Variants in KIF16B observed in about 807,000 individuals in gnomAD.
The protein encoded by KIF16B is kinesin-like protein KIF16B.
KIF16B carries 98 observed loss-of-function variants against 156.3 expected under a neutral mutation model. The ratio of observed to expected loss-of-function variants is 0.63; its 90% CI spans 0.53 to 0.74. KIF16B has a LOEUF of 0.74. KIF16B is among the 30% of genes least tolerant of loss of function. KIF16B has a pLI of 0.00. For synonymous variants in KIF16B, 564 were observed against 583.7 expected (o/e 0.97, Z 0.49); for missense variants, 1,421 against 1,606.5 (o/e 0.88, Z 1.97).
chr20:16,486,699 C>T (rs1261523861), intron 12 of KIF16B, among the ~76,000 whole-genome samples: 2 of 152,084 alleles, frequency 1.3e-5, no homozygotes, highest in Non-Finnish European at 2.9e-5. Context: ...AATATATTAT[C>T]GTCACATAGC....
rs2064422495 is a variant in KIF16B at position 16,355,567 on chromosome 20, A to G, written c.3621+763T>C. On this transcript the variant is annotated intron_variant, in intron 23 of 25. Transcript: ENST00000354981. ...TGGTGATCCTAGTGGACTTCATTAC[A>G]TCAATACCCTTGCTGATCCTTGAAG... 3.3e-5 allele frequency among the ~76,000 whole-genome samples: 5 copies of G among 152,200 alleles called. No individual in the cohort carries two copies. In the South Asian group the frequency reaches 8.3e-4, roughly 25 times the overall value.
At chr20:16,528,260 G>A in intron 2 of KIF16B, 111 bp downstream of exon 2, 9 of 806,904 alleles carry the variant, frequency 1.1e-5, no homozygotes, top group Non-Finnish European at 1.9e-5. Context: ...TAACTGCACT[G>A]GAAAGGAGGG....
In KIF16B at chr20:16,514,582, GAA is replaced by G. The variant is rs540602451; in HGVS notation, c.348+964_348+965del. 9.5e-4 allele frequency among the ~76,000 whole-genome samples: 73 copies of G among 76,902 alleles called. 2 individuals are homozygous for G. The highest frequency in any genetic ancestry group is 6.8e-3 in the Middle Eastern group (1 of 148). The allele number at this position is 76,902 out of a possible 152,430, so 50.5% of individuals were successfully genotyped here. ...GAACAGAGCTCTCACTAAGAAATAA[GAA>G]AAAAAAAAAAAAAAAAAAAAAACAG... is the stretch of plus-strand genomic sequence containing the variant. On this transcript the variant is annotated intron_variant, in intron 4 of 25. Transcript: ENST00000354981.
intron 12 of KIF16B, among the ~76,000 whole-genome samples, chr20:16,453,851 T>C (rs912187915): frequency 6.6e-6 from 1 of 152,240 alleles, no homozygotes; most frequent in Non-Finnish European, 1.5e-5. Flanking sequence ...ACAACTCTTA[T>C]GAAATGGAAT....
At chr20:16,441,220 C>T (rs1350950725) in intron 12 of KIF16B, among the ~76,000 whole-genome samples, 1 of 152,156 alleles carries the variant, frequency 6.6e-6, no homozygotes, top group Non-Finnish European at 1.5e-5. Flanking sequence ...AAGCATCAGT[C>T]TGACATTGGC....
Position 16,556,790 on chromosome 20 carries a change from C to T in KIF16B, c.47+16439G>A, listed in dbSNP as rs73244242. ...TCCCAGATATTCCCACGGTTCATTA[C>T]CTTACTTCCTTCACCAATCACCTAC... On this transcript the variant is annotated intron_variant, in intron 1 of 25. Coordinates refer to ENST00000354981, the MANE Select transcript of KIF16B (RefSeq NM_024704.5). Among the ~76,000 whole-genome samples, 556 of 152,298 alleles carry T rather than the reference C, an allele frequency of 3.7e-3. 2 individuals carry two copies. Among genetic ancestry groups the T allele is most frequent in the African/African-American group, 0.013 (538 of 41,564 alleles).
At chr20:16,397,909 C>A (rs1437112972) in intron 17 of KIF16B, among the ~76,000 whole-genome samples, 1 of 152,198 alleles carries the variant, frequency 6.6e-6, no homozygotes, top group Non-Finnish European at 1.5e-5. Context: ...CATGTGCTGG[C>A]CAAAACCTAC....
intron 12 of KIF16B, among the ~76,000 whole-genome samples, chr20:16,485,059 C>T (rs993998905): frequency 2.6e-5 from 4 of 152,196 alleles, no homozygotes; most frequent in Non-Finnish European, 5.9e-5. Context: ...TGAGATGCAA[C>T]TGAAAGCCTG....
At chr20:16,371,160 T>C (rs1234211713) in intron 21 of KIF16B, among the ~76,000 whole-genome samples, 2 of 152,228 alleles carry the variant, frequency 1.3e-5, no homozygotes, top group Non-Finnish European at 2.9e-5. Flanking sequence ...GAATTAATAC[T>C]ATTTATAAAC....
intron 12 of KIF16B, among the ~76,000 whole-genome samples, chr20:16,439,310 C>T (rs957771251): frequency 6.6e-6 from 1 of 152,204 alleles, no homozygotes; most frequent in African/African-American, 2.4e-5. Flanking sequence ...ACCATCTACT[C>T]TCCATATGGC....
rs978857347 is a variant in KIF16B, at chr20:16,283,612, G to T, written c.3796-10201C>A. On this transcript the variant is annotated intron_variant, in intron 25 of 25. Coordinates refer to ENST00000354981, the MANE Select transcript of KIF16B (RefSeq NM_024704.5). ...CTCACAGACAGTATGAAAACAGGTG[G>T]CAAGGTGGGTGTGACCTGAGGGCCT... 5.5e-4 allele frequency among the ~76,000 whole-genome samples: 83 copies of T among 152,154 alleles called. 1 individual carries two copies. The highest frequency in any genetic ancestry group is 2.1e-4 in the South Asian group (1 of 4,824).
intron 12 of KIF16B, among the ~76,000 whole-genome samples, chr20:16,488,115 A>T (rs545517603): frequency 1.3e-5 from 2 of 152,212 alleles, no homozygotes; most frequent in African/African-American, 4.8e-5. Flanking sequence ...AGCCAGCCGG[A>T]CATTGGAGCC....
At chr20:16,490,016 G>T (rs141216534) in intron 12 of KIF16B, among the ~76,000 whole-genome samples, 245 of 152,136 alleles carry the variant, frequency 1.6e-3, no homozygotes, top group Admixed American at 5.4e-3. Flanking sequence ...ACTGGGACAG[G>T]ACCGCCGCCT....
At chr20:16,382,696 T>C (rs1233990464) in intron 17 of KIF16B, among the ~76,000 whole-genome samples, 1 of 152,230 alleles carries the variant, frequency 6.6e-6, no homozygotes, top group Non-Finnish European at 1.5e-5. Flanking sequence ...TATTTCTTTT[T>C]AATTTTTTTT....
At chr20:16,526,899 T>C (rs964657537) in intron 2 of KIF16B, among the ~76,000 whole-genome samples, 1 of 152,216 alleles carries the variant, frequency 6.6e-6, no homozygotes, top group Non-Finnish European at 1.5e-5. Flanking sequence ...AAAATTGTTA[T>C]GATTCTTATG....
Position 16,524,855 on chromosome 20 carries a change from G to C in KIF16B, c.231+1237C>G, listed in dbSNP as rs142076976. On this transcript the variant is annotated intron_variant, in intron 3 of 25. Coordinates refer to ENST00000354981, the MANE Select transcript of KIF16B (RefSeq NM_024704.5). ...GGAATACTATGCAGCCATAAAAAAG[G>C]ATGAGTTGATGTCCTTTGCAGGGAC... 6.4e-4 allele frequency among the ~76,000 whole-genome samples: 98 copies of C among 152,252 alleles called. 1 individual carries two copies. The highest frequency in any genetic ancestry group is 2.3e-3 in the African/African-American group (96 of 41,538).
Position 16,469,254 on chromosome 20 carries a change from T to TAAAAAAAAAAAAAAAAA in KIF16B, c.1302+25020_1302+25036dup, listed in dbSNP as rs57114751. ...GGTGACAGAGCAGGACCCTGTGTCT[T>TAAAAAAAAAAAAAAAAA]AAAAAAAAAAAAAAAAAAAAAAAAA... On this transcript the variant is annotated intron_variant, in intron 12 of 25. Transcript: ENST00000354981. 1.9e-3 allele frequency among the ~76,000 whole-genome samples: 125 copies of TAAAAAAAAAAAAAAAAA among 66,056 alleles called. 6 individuals are homozygous for TAAAAAAAAAAAAAAAAA. The highest frequency in any genetic ancestry group is 2.7e-3 in the Non-Finnish European group (92 of 33,732). The allele number at this position is 66,056 out of a possible 152,430, so 43.3% of individuals were successfully genotyped here.
intron 19 of KIF16B, 36 bp downstream of exon 19, chr20:16,378,769 C>T (rs139199780): frequency 2.0e-4 from 304 of 1,528,048 alleles, no homozygotes; most frequent in Non-Finnish European, 2.6e-4. Context: ...TCATTTGGCA[C>T]CCACTGTATG....
chr20:16,407,731 C>A (rs2065822381), intron 15 of KIF16B, among the ~76,000 whole-genome samples: 1 of 152,090 alleles, frequency 6.6e-6, no homozygotes, highest in Admixed American at 6.6e-5. Context: ...GACCGGAGAA[C>A]AAGTATGAGA....
Sources: allele counts gnomAD v4.1 joint callset (sites outside exome capture counted in the v4.1 genomes callset), GRCh38; gene constraint gnomAD v4.1.1; transcripts MANE v1.5; gene names NCBI Gene and HGNC (gene_info 2026-07-23, HGNC 2026-07-21).